SDK1: variants seen among roughly 807,000 people sequenced by gnomAD.
SDK1 encodes sidekick cell adhesion molecule 1, also known as protein sidekick-1.
SDK1 carries 157 observed loss-of-function variants against 245.5 expected under a neutral mutation model. The ratio of observed to expected loss-of-function variants is 0.64; its 90% CI spans 0.56 to 0.73. The LOEUF (loss-of-function observed/expected upper bound fraction) is 0.73, where lower values mean the gene tolerates loss of function less well. Ranked by LOEUF, SDK1 falls within the 30% of genes least tolerant of loss-of-function variation. The pLI, the probability that SDK1 is intolerant of heterozygous loss-of-function variation, is 0.00. For missense variants in SDK1, 3,583 were observed against 3,002.3 expected (o/e 1.19, Z -4.52); for synonymous variants, 1,647 against 1,278.5 (o/e 1.29, Z -6.15).
At chr7:4,029,029 C>T (rs1787578517) in intron 17 of SDK1, among the ~76,000 whole-genome samples, 1 of 150,426 alleles carries the variant, frequency 6.6e-6, no homozygotes, top group Non-Finnish European at 1.5e-5. Flanking sequence ...CAAAGTGCGG[C>T]ACATTCTACC....
intron 22 of SDK1, among the ~76,000 whole-genome samples, chr7:4,095,588 T>C (rs1782099882): frequency 6.6e-6 from 1 of 152,142 alleles, no homozygotes; most frequent in Non-Finnish European, 1.5e-5. Context: ...TTTATTTTTT[T>C]CCGAGACGGA....
chr7:4,121,477 G>A (rs1584203287), intron 25 of SDK1, among the ~76,000 whole-genome samples: 1 of 152,150 alleles, frequency 6.6e-6, no homozygotes, highest in African/African-American at 2.4e-5. Context: ...TTTCTCTCCT[G>A]CTGGCATGTG....
chr7:3,705,874 A>G (rs1433044473), intron 4 of SDK1, among the ~76,000 whole-genome samples: 1 of 152,082 alleles, frequency 6.6e-6, no homozygotes, highest in Non-Finnish European at 1.5e-5. Flanking sequence ...TGTGCCATTC[A>G]TGATGCAACT....
At chr7:3,484,248 C>T (rs1319742830) in intron 1 of SDK1, among the ~76,000 whole-genome samples, 1 of 152,208 alleles carries the variant, frequency 6.6e-6, no homozygotes, top group African/African-American at 2.4e-5. Flanking sequence ...CAATACTGTA[C>T]AGTTTTGTAG....
chr7:4,102,564 C>T (rs1782626011), intron 22 of SDK1, among the ~76,000 whole-genome samples: 1 of 152,186 alleles, frequency 6.6e-6, no homozygotes, highest in African/African-American at 2.4e-5. Flanking sequence ...TGCAGAATTA[C>T]CTTTGGGATG....
At chr7:3,628,368 G>C (rs532304579) in intron 2 of SDK1, among the ~76,000 whole-genome samples, 1 of 152,038 alleles carries the variant, frequency 6.6e-6, no homozygotes, top group East Asian at 1.9e-4. Context: ...GTAGAGATGG[G>C]ATCTCACTGT....
chr7:3,851,654 G>A (rs912799695), intron 5 of SDK1, among the ~76,000 whole-genome samples: 1 of 151,842 alleles, frequency 6.6e-6, no homozygotes, highest in Non-Finnish European at 1.5e-5. Flanking sequence ...ACTGGCATTG[G>A]GCGGCTTGAT....
At chr7:3,799,096 G>C (rs1230476723) in intron 4 of SDK1, among the ~76,000 whole-genome samples, 1 of 152,066 alleles carries the variant, frequency 6.6e-6, no homozygotes, top group African/African-American at 2.4e-5. Flanking sequence ...AATGTCATTG[G>C]ATAACCAGTA....
chr7:3,447,541 C>G (rs1476670197), intron 1 of SDK1, among the ~76,000 whole-genome samples: 1 of 152,036 alleles, frequency 6.6e-6, no homozygotes, highest in Non-Finnish European at 1.5e-5. Flanking sequence ...ATGTATAGAA[C>G]AGAATCACTT....
chr7:4,175,593 C>T (rs746513151), intron 33 of SDK1, among the ~76,000 whole-genome samples, 182 bp from the exon 34 acceptor site: 14 of 152,350 alleles, frequency 9.2e-5, no homozygotes, highest in Admixed American at 2.0e-4. Context: ...CGGCAGCCCC[C>T]GCAACTGGGA....
chr7:3,906,093 T>C (rs2128107018), intron 5 of SDK1, among the ~76,000 whole-genome samples: 1 of 152,312 alleles, frequency 6.6e-6, no homozygotes, highest in Non-Finnish European at 1.5e-5. Flanking sequence ...GAAACTTTCC[T>C]CAATCTCTTT....
At chr7:3,912,130 T>C (rs751578320) in intron 5 of SDK1, among the ~76,000 whole-genome samples, 11 of 152,328 alleles carry the variant, frequency 7.2e-5, no homozygotes, top group Non-Finnish European at 1.0e-4. Flanking sequence ...AAGTTTATTT[T>C]GTTCCCTCGT....
chr7:4,235,211 C>G (rs1481986733), intron 41 of SDK1, among the ~76,000 whole-genome samples: 1 of 150,642 alleles, frequency 6.6e-6, no homozygotes, highest in East Asian at 1.9e-4. Flanking sequence ...GTTGCCCAGG[C>G]TGGAGTGCAG....
At chr7:3,424,479 TTTAATA>T (rs1409398782) in intron 1 of SDK1, among the ~76,000 whole-genome samples, 1 of 152,176 alleles carries the variant, frequency 6.6e-6, no homozygotes. Context: ...AACAGGAGAC[TTTAATA>T]TTATTTTGGG....
rs528325304 is a variant in SDK1 at position 4,119,371 on chromosome 7, C to G, written c.3823+5097C>G. 6.1e-5 allele frequency among the ~76,000 whole-genome samples: 9 copies of G among 148,462 alleles called. No individual in the cohort carries two copies. In the East Asian group the frequency reaches 1.7e-3, roughly 29 times the overall value. Reference sequence around the variant, plus strand: ...TTGGGAGGCTGAGGCAGGAGAACTGCTTCAGCCCAGGAGGTCGAGCCTGCC... The same window carrying G: ...TTGGGAGGCTGAGGCAGGAGAACTGGTTCAGCCCAGGAGGTCGAGCCTGCC... On this transcript the variant is annotated intron_variant, in intron 25 of 44. Transcript: ENST00000404826.
At chr7:4,090,492 T>G (rs750538708) in intron 22 of SDK1, among the ~76,000 whole-genome samples, 2 of 152,234 alleles carry the variant, frequency 1.3e-5, no homozygotes, top group Non-Finnish European at 2.9e-5. Flanking sequence ...AACCCATTGC[T>G]ATCATTGCTA....
At chr7:4,095,725 A>G (rs1387044353) in intron 22 of SDK1, among the ~76,000 whole-genome samples, 1 of 152,094 alleles carries the variant, frequency 6.6e-6, no homozygotes, top group East Asian at 1.9e-4. Context: ...GGCACTCGCC[A>G]CCACACCTGG....
intron 24 of SDK1, 142 bp downstream of exon 24, chr7:4,113,581 C>A: frequency 1.1e-6 from 1 of 948,258 alleles, no homozygotes; most frequent in South Asian, 1.6e-5. Context: ...AAAAGTATTG[C>A]ATTTTACAAT....
chr7:4,266,871 C>G lies in SDK1; in HGVS notation c.*1487C>G. 1 of 985,554 alleles carries G rather than the reference C, an allele frequency of 1.0e-6. No individual in the cohort carries two copies. Among genetic ancestry groups the G allele is most frequent in the African/African-American group, 1.7e-5 (1 of 57,372 alleles). 61.1% of individuals were successfully genotyped at this position (985,554 alleles called of 1,614,324 possible). The stretch of plus-strand genomic sequence containing the variant: ...CTCAAGACCACCCTGTCAGTGCCCC[C>G]CAGTGCACGGCAAACGGGCAGGTGC... On this transcript the variant is annotated 3_prime_UTR_variant, in exon 45 of 45. Coordinates refer to ENST00000404826, the MANE Select transcript of SDK1 (RefSeq NM_152744.4).
Sources: gnomAD v4.1 joint callset for allele counts (sites outside exome capture counted in the v4.1 genomes callset) on GRCh38, gnomAD v4.1.1 for gene constraint, MANE v1.5 for transcripts, NCBI Gene and HGNC (gene_info 2026-07-23, HGNC 2026-07-21) for gene names.